Variants in CAPRIN1 observed in about 807,000 individuals in gnomAD.
CAPRIN1 encodes the protein cell cycle associated protein 1.
A neutral mutation model predicts 100.9 loss-of-function variants in CAPRIN1; 29 were observed. The observed-to-expected ratio is 0.29, with a 90% CI of 0.21 to 0.39. The LOEUF (loss-of-function observed/expected upper bound fraction) is 0.39. CAPRIN1 is among the 10% of genes least tolerant of loss of function. CAPRIN1 has a pLI of 1.00. For missense variants in CAPRIN1, 795 were observed against 876.7 expected (o/e 0.91, Z 1.18); for synonymous variants, 338 against 307.5 (o/e 1.10, Z -1.04).
intron 7 of CAPRIN1, among the ~76,000 whole-genome samples, chr11:34,082,236 G>T (rs1851047179): frequency 6.6e-6 from 1 of 151,966 alleles, no homozygotes; most frequent in Admixed American, 6.6e-5. Context: ...TTCCCAGGTT[G>T]GAGCACAATG....
chr11:34,099,196 T>G, intron 18 of CAPRIN1, 107 bp from the exon 19 acceptor site: 1 of 1,540,820 alleles, frequency 6.5e-7, no homozygotes, highest in Non-Finnish European at 8.8e-7. Flanking sequence ...AGCCTAATAA[T>G]GTGGTGACAG....
intron 2 of CAPRIN1, among the ~76,000 whole-genome samples, chr11:34,064,303 C>G (rs1162267193): frequency 1.3e-5 from 2 of 152,128 alleles, no homozygotes; most frequent in Non-Finnish European, 2.9e-5. Context: ...ACAAGCTATT[C>G]CTTGTATATT....
chr11:34,092,755 G>A (rs1851287098), intron 15 of CAPRIN1, among the ~76,000 whole-genome samples: 1 of 152,224 alleles, frequency 6.6e-6, no homozygotes, highest in African/African-American at 2.4e-5. Flanking sequence ...ACTCATGGTG[G>A]CTGCATTTCG....
intron 2 of CAPRIN1, among the ~76,000 whole-genome samples, chr11:34,055,139 C>T (rs1026513929): frequency 6.6e-6 from 1 of 152,120 alleles, no homozygotes; most frequent in Non-Finnish European, 1.5e-5. Flanking sequence ...ATACCCTACC[C>T]TCAAGTGATT....
At chr11:34,084,629 T>C (rs1851103209) in intron 9 of CAPRIN1, among the ~76,000 whole-genome samples, 1 of 152,134 alleles carries the variant, frequency 6.6e-6, no homozygotes, top group African/African-American at 2.4e-5. Flanking sequence ...GGAGGATAAG[T>C]GAACCTGTGC....
At chr11:34,081,771 T>G (rs975061769) in intron 7 of CAPRIN1, among the ~76,000 whole-genome samples, 1 of 152,142 alleles carries the variant, frequency 6.6e-6, no homozygotes, top group Non-Finnish European at 1.5e-5. Flanking sequence ...GTCCTGAGAT[T>G]ATAGGCGTGA....
rs1851385413 is a variant in CAPRIN1 at position 34,097,229 on chromosome 11, A to G, written c.1934A>G (p.Asn645Ser). ...GATGGTTACCGCCCTTCATTCTCTA[A>G]CACTCCAAACAGTGGTTATACACAG... Reference protein sequence around the residue: ...GYDGYRPSFSNTPNSGYTQSQ... With the variant: ...GYDGYRPSFSSTPNSGYTQSQ... Residue 645 changes from asparagine (N) to serine (S), a missense_variant, in exon 17 of 19, where the codon AAC (asparagine) becomes AGC (serine). Asn to Ser is a conservative substitution (Grantham distance 46). Around this residue, in one of 3 missense-constraint regions of CAPRIN1, gnomAD observed 648 missense variants for 697.9 expected, o/e 0.93. Coordinates refer to ENST00000341394, the MANE Select transcript of CAPRIN1 (RefSeq NM_005898.5). The G allele has an allele frequency of 1.9e-6, 3 of 1,613,908 alleles. No homozygotes were observed. The highest frequency in any genetic ancestry group is 2.7e-5 in the African/African-American group (2 of 75,048).
chr11:34,085,655 T>G (rs1451183200), intron 9 of CAPRIN1, among the ~76,000 whole-genome samples: 1 of 151,870 alleles, frequency 6.6e-6, no homozygotes, highest in African/African-American at 2.4e-5. Context: ...AATACAAAAA[T>G]TAGCCGGGTG....
Position 34,076,601 on chromosome 11 carries a change from A to T in CAPRIN1, c.647A>T (p.Asp216Val), listed in dbSNP as rs1387596306. Residue 216 changes from aspartate to valine, a missense_variant, in exon 6 of 19, where the codon GAC becomes GTC. Asp to Val is a radical substitution (Grantham distance 152). This residue lies in a region of CAPRIN1 where 648 missense variants were observed against 697.9 expected (regional missense o/e 0.93). Transcript: ENST00000341394. ...QYEHASIHLW[D>V]LLEGKEKPVC... ...GAACATGCCTCCATTCACCTGTGGGACCTGCTGGAAGGGAAGGAAAAACCT... is the reference window on the plus strand; with the variant it reads ...GAACATGCCTCCATTCACCTGTGGGTCCTGCTGGAAGGGAAGGAAAAACCT... The T allele has an allele frequency of 1.2e-6, 2 of 1,614,026 alleles. No homozygotes were observed. The highest frequency in any genetic ancestry group is 1.7e-6 in the Non-Finnish European group (2 of 1,179,908).
intron 7 of CAPRIN1, among the ~76,000 whole-genome samples, chr11:34,082,073 G>C (rs113209786): frequency 6.6e-6 from 1 of 151,962 alleles, no homozygotes; most frequent in Admixed American, 6.6e-5. Context: ...CGGCCTCCCA[G>C]AGTGCTGGGA....
intron 2 of CAPRIN1, among the ~76,000 whole-genome samples, chr11:34,064,908 A>G (rs974442564): frequency 1.3e-5 from 2 of 151,658 alleles, no homozygotes; most frequent in African/African-American, 4.8e-5. Flanking sequence ...TTCAACTTTA[A>G]AGTTTATTAA....
chr11:34,077,309 T>C (rs529629609), intron 6 of CAPRIN1, among the ~76,000 whole-genome samples: 3 of 152,332 alleles, frequency 2.0e-5, no homozygotes, highest in South Asian at 2.1e-4. Flanking sequence ...AGGGACTGTT[T>C]GTTTTATGGC....
chr11:34,089,525 A>T, intron 12 of CAPRIN1, 69 bp downstream of exon 12: 1 of 829,090 alleles, frequency 1.2e-6, no homozygotes, highest in Non-Finnish European at 2.0e-6. Flanking sequence ...CTAGTACTTT[A>T]GGAGGCTGAG....
chr11:34,066,483 G>T (rs1218832024), intron 2 of CAPRIN1, among the ~76,000 whole-genome samples: 1 of 151,744 alleles, frequency 6.6e-6, no homozygotes, highest in Non-Finnish European at 1.5e-5. Context: ...ACAGGTGGCC[G>T]CCTCCATACC....
Position 34,066,343 on chromosome 11 carries a change from A to T in CAPRIN1, c.217-5383A>T, listed in dbSNP as rs561346997. Among the ~76,000 whole-genome samples the T allele has an allele frequency of 1.2e-3, 173 of 150,336 alleles. 1 individual carries two copies. The highest frequency in any genetic ancestry group is 2.3e-3 in the African/African-American group (94 of 40,824). On this transcript the variant is annotated intron_variant, in intron 2 of 18. Transcript: ENST00000341394. The stretch of plus-strand genomic sequence containing the variant: ...TTTATTTTTATTTATTTATTTATTT[A>T]TTTTTTTTGAGACAGATTCTCACTC...
intron 11 of CAPRIN1, 43 bp from the exon 12 acceptor site, chr11:34,089,352 A>C (rs781364392): frequency 1.6e-6 from 2 of 1,257,600 alleles, no homozygotes; most frequent in South Asian, 2.6e-5. Context: ...TCTCTCTAAA[A>C]ATTTAATTTT....
intron 9 of CAPRIN1, among the ~76,000 whole-genome samples, chr11:34,084,900 A>C (rs774780265): frequency 6.6e-6 from 1 of 151,970 alleles, no homozygotes; most frequent in Non-Finnish European, 1.5e-5. Flanking sequence ...ATTTTATTTG[A>C]GAAGAGCATA....
intron 11 of CAPRIN1, 141 bp from the exon 12 acceptor site, chr11:34,089,254 G>T (rs1406798738): frequency 6.1e-6 from 1 of 164,682 alleles, no homozygotes; most frequent in Non-Finnish European, 1.1e-5. Flanking sequence ...GGGTGACAGA[G>T]TGAGACACTC....
Position 34,090,585 on chromosome 11 carries a change from G to A in CAPRIN1, c.1461G>A (p.Ala487=), listed in dbSNP as rs756647679. The change falls in exon 14 of 19, where the codon GCG becomes GCA. Residue 487 remains alanine, a synonymous_variant. Coordinates refer to ENST00000341394, the MANE Select transcript of CAPRIN1 (RefSeq NM_005898.5). ...CAGCATCATCATCCCTTCCTGCTGC[G>A]TCTCAGCCTCAAGTATTTCAGGCTG... ...QTTASSSLPA[A]SQPQVFQAGT... is the part of the protein sequence containing the mutation. The A allele has an allele frequency of 3.1e-6, 5 of 1,613,930 alleles. No homozygotes were observed. The highest frequency in any genetic ancestry group is 2.2e-5 in the South Asian group (2 of 91,086).
Sources: allele counts gnomAD v4.1 joint callset (sites outside exome capture counted in the v4.1 genomes callset), GRCh38; gene constraint gnomAD v4.1.1; regional missense constraint gnomAD v4.1.1; transcripts MANE v1.5; gene names NCBI Gene and HGNC (gene_info 2026-07-23, HGNC 2026-07-21).